SLC6A11: variants seen among roughly 807,000 people sequenced by gnomAD.
SLC6A11 encodes the protein solute carrier family 6 member 11, also known as sodium- and chloride-dependent GABA transporter 3.
Under a neutral mutation model 74.8 loss-of-function variants are expected in SLC6A11, and 25 were observed. The observed-to-expected ratio is 0.33, with a 90% CI of 0.24 to 0.47. The LOEUF (loss-of-function observed/expected upper bound fraction) is 0.47. Among genes scored for constraint, SLC6A11 ranks in the 20% least tolerant of loss-of-function variants. The probability of loss-of-function intolerance (pLI) is 1.00; values close to 1 mark genes in which losing one functional copy is unlikely to be tolerated. For synonymous variants in SLC6A11, 330 were observed against 330.2 expected (o/e 1.00, Z 0.01); for missense variants, 574 against 837.0 (o/e 0.69, Z 3.88).
chr3:10,874,682 C>G (rs915740710), intron 5 of SLC6A11, among the ~76,000 whole-genome samples: 1 of 152,208 alleles, frequency 6.6e-6, no homozygotes, highest in Admixed American at 6.5e-5. Flanking sequence ...CATTTCCCCC[C>G]TCCCAGTTCC....
chr3:10,896,572 C>A (rs1037858199), intron 6 of SLC6A11, among the ~76,000 whole-genome samples: 27 of 152,332 alleles, frequency 1.8e-4, no homozygotes, highest in African/African-American at 5.8e-4. Flanking sequence ...CTCTCTTGAC[C>A]CGTGGAAAAC....
intron 5 of SLC6A11, among the ~76,000 whole-genome samples, chr3:10,873,971 T>TACGCTACGCTACGCTAC (rs1559567234): frequency 1.5e-5 from 2 of 130,444 alleles, no homozygotes; most frequent in African/African-American, 7.1e-5. Flanking sequence ...CGCTATGCTA[T>TACGCTACGCTACGCTAC]GCTACGCTAC....
At chr3:10,874,073 C>T (rs142967577) in intron 5 of SLC6A11, among the ~76,000 whole-genome samples, 4 of 152,338 alleles carry the variant, frequency 2.6e-5, no homozygotes, top group Non-Finnish European at 1.5e-5. Context: ...CTATCCTAGT[C>T]TCTCTTTAAC....
In SLC6A11 at chr3:10,870,800, C is replaced by T. The variant is rs111812590; in HGVS notation, c.757-4161C>T. ...CTAAGCCACCTTTTGTACCCTGACT[C>T]AAGGCTCTCAAACCTCAGCTTACAA... On this transcript the variant is annotated intron_variant, in intron 5 of 13. Coordinates refer to ENST00000254488, the MANE Select transcript of SLC6A11 (RefSeq NM_014229.3). Among the ~76,000 whole-genome samples the T allele has an allele frequency of 3.9e-5, 6 of 152,312 alleles. 1 individual carries two copies. The highest frequency in any genetic ancestry group is 1.4e-4 in the African/African-American group (6 of 41,576).
At chr3:10,938,128 G>A (rs978099187) in intron 13 of SLC6A11, 122 bp from the exon 14 acceptor site, 17 of 930,962 alleles carry the variant, frequency 1.8e-5, no homozygotes, top group East Asian at 2.5e-5. Context: ...GCTGGGGCCC[G>A]GACCTTGGTC....
intron 6 of SLC6A11, among the ~76,000 whole-genome samples, chr3:10,906,672 C>T (rs1416595603): frequency 1.3e-5 from 2 of 152,148 alleles, no homozygotes; most frequent in Non-Finnish European, 2.9e-5. Context: ...ACACTACGCA[C>T]TAACCAGTTG....
intron 4 of SLC6A11, among the ~76,000 whole-genome samples, chr3:10,838,632 C>G (rs1231720391): frequency 6.6e-6 from 1 of 152,176 alleles, no homozygotes; most frequent in East Asian, 1.9e-4. Context: ...ACCTGTAGTC[C>G]TAGCTACTCA....
chr3:10,893,560 A>T (rs965341257), intron 6 of SLC6A11, among the ~76,000 whole-genome samples: 12 of 152,104 alleles, frequency 7.9e-5, no homozygotes, highest in Admixed American at 5.2e-4. Context: ...GCAGGGTAGG[A>T]GTTTCCTCAG....
rs181580891 is a variant in SLC6A11 at position 10,862,729 on chromosome 3, T to G, written c.757-12232T>G. Among the ~76,000 whole-genome samples, 304 of 152,348 alleles carry G rather than the reference T, an allele frequency of 2.0e-3. 2 individuals are homozygous for G. The highest frequency in any genetic ancestry group is 7.0e-3 in the African/African-American group (289 of 41,574). On this transcript the variant is annotated intron_variant, in intron 5 of 13. Transcript: ENST00000254488. ...AAGTTTAGCTCCAGGAGGTGCTCTCTGGCACACCACTGCCAGCCAAGCTGC... is the reference window on the plus strand; with the variant it reads ...AAGTTTAGCTCCAGGAGGTGCTCTCGGGCACACCACTGCCAGCCAAGCTGC...
At chr3:10,932,415 G>A (rs968698781) in intron 10 of SLC6A11, among the ~76,000 whole-genome samples, 2 of 152,072 alleles carry the variant, frequency 1.3e-5, no homozygotes, top group Non-Finnish European at 2.9e-5. Context: ...TTTAACTTAC[G>A]TTTATCACCA....
chr3:10,902,994 AG>A (rs1695259806), intron 6 of SLC6A11, among the ~76,000 whole-genome samples: 1 of 152,204 alleles, frequency 6.6e-6, no homozygotes, highest in Admixed American at 6.5e-5. Context: ...ATACCTGTAA[AG>A]CACTTTCCAT....
chr3:10,820,161 A>C (rs1694119728), intron 3 of SLC6A11, among the ~76,000 whole-genome samples: 1 of 152,186 alleles, frequency 6.6e-6, no homozygotes, highest in African/African-American at 2.4e-5. Context: ...GAGGAAGAGC[A>C]CTAGACTTAG....
rs972081915 is a variant in SLC6A11 at position 10,819,608 on chromosome 3, T to C, written c.391+9T>C. ...TTGCCCTTTATTTGAAGGTATGTGTTGAGTTAATGAGAAAATAAAATTTTG... is the reference window on the plus strand; with the variant it reads ...TTGCCCTTTATTTGAAGGTATGTGTCGAGTTAATGAGAAAATAAAATTTTG... On this transcript the variant is annotated intron_variant, in intron 2 of 13. Transcript: ENST00000254488. 1 of 1,610,898 alleles carries C rather than the reference T, an allele frequency of 6.2e-7. No individual in the cohort carries two copies. The highest frequency in any genetic ancestry group is 1.3e-5 in the African/African-American group (1 of 74,586).
chr3:10,932,062 C>T (rs562294992), intron 10 of SLC6A11, among the ~76,000 whole-genome samples: 214 of 152,180 alleles, frequency 1.4e-3, no homozygotes, highest in Non-Finnish European at 2.6e-3. Context: ...TTTTATTTCC[C>T]CTGCGTTTGA....
chr3:10,826,569 G>C (rs557946836), intron 4 of SLC6A11, among the ~76,000 whole-genome samples: 65 of 152,242 alleles, frequency 4.3e-4, no homozygotes, highest in Non-Finnish European at 7.5e-4. Context: ...TAATGTATTT[G>C]TTCATTGTCT....
At chr3:10,883,907 A>G (rs985018038) in intron 6 of SLC6A11, among the ~76,000 whole-genome samples, 1 of 152,086 alleles carries the variant, frequency 6.6e-6, no homozygotes, top group Non-Finnish European at 1.5e-5. Context: ...CTTTCAATGT[A>G]TTTGTTCCTG....
At position 10,929,270 on chromosome 3, in the gene SLC6A11, C is replaced by T; in HGVS notation, c.1302C>T (p.Tyr434=). ...DMYPKVFRRG[Y]RRELLILALS... Reference sequence around the variant, plus strand: ...ACCCCAAGGTTTTCCGGAGGGGTTACCGGCGGGAGCTGCTCATCCTAGCCT... The same window carrying T: ...ACCCCAAGGTTTTCCGGAGGGGTTATCGGCGGGAGCTGCTCATCCTAGCCT... Residue 434 remains tyrosine (Y), a synonymous_variant, in exon 10 of 14, where the codon TAC becomes TAT. Transcript: ENST00000254488. The T allele has an allele frequency of 6.2e-7, 1 of 1,614,140 alleles. No individual in the cohort carries two copies. The highest frequency in any genetic ancestry group is 8.5e-7 in the Non-Finnish European group (1 of 1,180,012).
intron 6 of SLC6A11, among the ~76,000 whole-genome samples, chr3:10,910,630 G>A (rs571999480): frequency 1.3e-5 from 2 of 152,170 alleles, no homozygotes; most frequent in African/African-American, 4.8e-5. Flanking sequence ...CAGGCCTTCT[G>A]AGGCTGATTC....
chr3:10,875,353 T>C (rs1043269329), intron 6 of SLC6A11, among the ~76,000 whole-genome samples: 1 of 152,228 alleles, frequency 6.6e-6, no homozygotes, highest in African/African-American at 2.4e-5. Flanking sequence ...GGACATTACA[T>C]AGCCAGATCC....
Sources: gnomAD v4.1 joint callset for allele counts (sites outside exome capture counted in the v4.1 genomes callset) on GRCh38, gnomAD v4.1.1 for gene constraint, MANE v1.5 for transcripts, NCBI Gene and HGNC (gene_info 2026-07-23, HGNC 2026-07-21) for gene names.